RBFOX1: variants seen among roughly 807,000 people sequenced by gnomAD.
The protein encoded by RBFOX1 is RNA binding fox-1 homolog 1.
In RBFOX1, 8 loss-of-function variants were observed where a neutral mutation model predicts 57.7. The ratio of observed to expected loss-of-function variants is 0.14; its 90% CI spans 0.08 to 0.25. RBFOX1 has a LOEUF of 0.25. Ranked by LOEUF, RBFOX1 falls within the 10% of genes least tolerant of loss-of-function variation. The pLI, the probability that RBFOX1 is intolerant of heterozygous loss-of-function variation, is 1.00. For synonymous variants in RBFOX1, 326 were observed against 222.4 expected (o/e 1.47, Z -4.15); for missense variants, 611 against 548.5 (o/e 1.11, Z -1.14).
At chr16:7,117,789 G>C (rs890288855) in intron 4 of RBFOX1, among the ~76,000 whole-genome samples, 3 of 152,154 alleles carry the variant, frequency 2.0e-5, no homozygotes, top group African/African-American at 7.2e-5. Context: ...TATCAGCCAG[G>C]ACTGGGTTCT....
At chr16:7,048,500 C>T (rs2048833273) in intron 3 of RBFOX1, among the ~76,000 whole-genome samples, 2 of 152,100 alleles carry the variant, frequency 1.3e-5, no homozygotes, top group African/African-American at 2.4e-5. Flanking sequence ...ACCTCATGAT[C>T]CACCCGCCTC....
chr16:6,578,992 G>A (rs1315100059), intron 2 of RBFOX1, among the ~76,000 whole-genome samples: 6 of 151,754 alleles, frequency 4.0e-5, no homozygotes, highest in African/African-American at 1.5e-4. Flanking sequence ...CACCACTAAA[G>A]CACTTATTTA....
chr16:7,362,193 GTGTA>G (rs2097338054), intron 4 of RBFOX1, among the ~76,000 whole-genome samples: 4 of 148,358 alleles, frequency 2.7e-5, no homozygotes, highest in African/African-American at 5.1e-5. Flanking sequence ...GTGTGTGTTT[GTGTA>G]TGATTGTGTT....
At chr16:6,393,751 C>G (rs993562378) in intron 2 of RBFOX1, among the ~76,000 whole-genome samples, 1 of 152,180 alleles carries the variant, frequency 6.6e-6, no homozygotes, top group Non-Finnish European at 1.5e-5. Flanking sequence ...CTGTGTGTTC[C>G]TTACCTCATC....
intron 3 of RBFOX1, among the ~76,000 whole-genome samples, chr16:5,675,100 A>T (rs943929881): frequency 1.3e-4 from 20 of 152,096 alleles, no homozygotes; most frequent in African/African-American, 4.8e-4. Flanking sequence ...GTGAGCTGTG[A>T]TTGCACCAGT....
intron 4 of RBFOX1, among the ~76,000 whole-genome samples, chr16:7,062,646 G>C (rs1452681090): frequency 6.6e-6 from 1 of 152,160 alleles, no homozygotes; most frequent in African/African-American, 2.4e-5. Context: ...GCCAAGGCAG[G>C]ACAGTTGAAT....
chr16:6,528,198 C>T (rs1313524032), intron 2 of RBFOX1, among the ~76,000 whole-genome samples: 1 of 152,142 alleles, frequency 6.6e-6, no homozygotes, highest in South Asian at 2.1e-4. Context: ...ATAAATTGCC[C>T]TGCTCATAGT....
intron 5 of RBFOX1, among the ~76,000 whole-genome samples, chr16:7,527,989 T>A (rs1336081880): frequency 6.6e-6 from 1 of 152,226 alleles, no homozygotes; most frequent in Non-Finnish European, 1.5e-5. Flanking sequence ...ACAAATGGTT[T>A]TCAATCACTC....
chr16:5,908,534 G>A (rs2058534227), intron 4 of RBFOX1, among the ~76,000 whole-genome samples: 1 of 151,812 alleles, frequency 6.6e-6, no homozygotes, highest in Admixed American at 6.6e-5. Context: ...TGTATTTTTA[G>A]TAGAGAAGCG....
chr16:6,546,630 A>C, intron 2 of RBFOX1, among the ~76,000 whole-genome samples: 1 of 152,132 alleles, frequency 6.6e-6, no homozygotes, highest in East Asian at 1.9e-4. Context: ...TCTCCTTCTT[A>C]TAAGGACACA....
At chr16:5,737,487 A>AAAAT (rs2052619413) in intron 3 of RBFOX1, among the ~76,000 whole-genome samples, 1 of 133,612 alleles carries the variant, frequency 7.5e-6, no homozygotes, top group Admixed American at 8.2e-5. Context: ...CTCCATCTCA[A>AAAAT]AAATAAATAA....
At chr16:7,493,483 A>G (rs1480473825) in intron 4 of RBFOX1, among the ~76,000 whole-genome samples, 3 of 152,180 alleles carry the variant, frequency 2.0e-5, no homozygotes, top group Non-Finnish European at 4.4e-5. Context: ...AAGTAAGGAG[A>G]ATTATTTCTT....
At chr16:5,413,716 T>C (rs145938286) in intron 1 of RBFOX1, among the ~76,000 whole-genome samples, 3 of 152,342 alleles carry the variant, frequency 2.0e-5, no homozygotes, top group Admixed American at 1.3e-4. Flanking sequence ...CAAGTCTCTT[T>C]CTCGTGGTAT....
At chr16:5,530,092 A>C (rs1445553466) in intron 2 of RBFOX1, among the ~76,000 whole-genome samples, 11 of 152,132 alleles carry the variant, frequency 7.2e-5, no homozygotes, top group South Asian at 2.1e-4. Flanking sequence ...ACTCTTGTTT[A>C]AGCCACTCAG....
chr16:6,913,884 G>T (rs2072391929), intron 3 of RBFOX1, among the ~76,000 whole-genome samples: 2 of 152,200 alleles, frequency 1.3e-5, no homozygotes, highest in Admixed American at 1.3e-4. Context: ...CAAGGTGCCA[G>T]TCTCAACTGT....
intron 1 of RBFOX1, among the ~76,000 whole-genome samples, chr16:6,106,641 C>A (rs1278126641): frequency 6.6e-6 from 1 of 152,030 alleles, no homozygotes; most frequent in African/African-American, 2.4e-5. Context: ...TGGAAGTATG[C>A]ATATCATAAG....
At chr16:6,656,567 G>T (rs1206089121) in intron 3 of RBFOX1, among the ~76,000 whole-genome samples, 1 of 150,454 alleles carries the variant, frequency 6.6e-6, no homozygotes, top group Non-Finnish European at 1.5e-5. Flanking sequence ...GTGCATATGT[G>T]ATTTCAGCTC....
At chr16:5,753,585 G>A (rs1567494263) in intron 3 of RBFOX1, among the ~76,000 whole-genome samples, 1 of 152,166 alleles carries the variant, frequency 6.6e-6, no homozygotes, top group African/African-American at 2.4e-5. Flanking sequence ...GCTGGCGAGA[G>A]CCGATTGTGA....
At chr16:7,569,693 C>T (rs62009936) in intron 5 of RBFOX1, among the ~76,000 whole-genome samples, 38,093 of 152,110 alleles carry the variant, frequency 0.25, 5,782 homozygotes, top group Non-Finnish European at 0.33. Flanking sequence ...CCACAGGTGT[C>T]TGTTGAGCAC....
Sources: allele counts gnomAD v4.1 joint callset (sites outside exome capture counted in the v4.1 genomes callset), GRCh38; gene constraint gnomAD v4.1.1; transcripts MANE v1.5; gene names NCBI Gene and HGNC (gene_info 2026-07-23, HGNC 2026-07-21).